Variants in TEX15 observed in about 807,000 individuals in gnomAD.
TEX15 encodes the protein testis expressed 15, meiosis and synapsis associated, also known as testis-expressed protein 15.
A neutral mutation model predicts 237.3 loss-of-function variants in TEX15; 171 were observed. The ratio of observed to expected loss-of-function variants is 0.72; its 90% confidence interval spans 0.64 to 0.82. TEX15 has a LOEUF of 0.82. TEX15 is among the 40% of genes least tolerant of loss of function. The pLI, the probability that TEX15 is intolerant of heterozygous loss-of-function variation, is 0.00. For synonymous variants in TEX15, 1,338 were observed against 1,269.8 expected, an observed-to-expected ratio of 1.05 and a Z score of -1.14; for missense variants, 3,750 against 3,646.5, an observed-to-expected ratio of 1.03 and a Z score of -0.73.
At position 30,843,085 on chromosome 8, in the gene TEX15, C is replaced by G; in HGVS notation, c.7082G>C (p.Ser2361Thr). ...AATATCTGGGTGTGCAAGCAAATTACTGTTAAATTTAGAATTTTCTATGCT... is the reference window on the plus strand; with the variant it reads ...AATATCTGGGTGTGCAAGCAAATTAGTGTTAAATTTAGAATTTTCTATGCT... ...TISIENSKFN[S>T]NLLAHPDICC... is the part of the protein sequence containing the mutation. Residue 2361 changes from serine (S) to threonine (T), a missense_variant, in exon 8 of 11, where the codon AGT (serine) becomes ACT (threonine). Transcript: ENST00000643185. The G allele has an allele frequency of 6.2e-7, 1 of 1,613,172 alleles. No individual in the cohort carries two copies.
At chr8:30,852,063 G>A (rs533072627) in intron 7 of TEX15, among the ~76,000 whole-genome samples, 65 of 150,608 alleles carry the variant, frequency 4.3e-4, no homozygotes, top group Middle Eastern at 6.9e-3. Context: ...ATGGATGCCA[G>A]GTCCTGTTTT....
intron 1 of TEX15, among the ~76,000 whole-genome samples, chr8:30,905,473 T>C (rs1809082627): frequency 6.6e-6 from 1 of 152,078 alleles, no homozygotes; most frequent in Non-Finnish European, 1.5e-5. Context: ...GACTGCAAAT[T>C]TGTACCAAGC....
chr8:30,911,400 C>T lies in TEX15; in HGVS notation c.-86+1479G>A, dbSNP rs1050549134. Among the ~76,000 whole-genome samples the T allele has an allele frequency of 2.0e-4, 30 of 152,220 alleles. 1 individual carries two copies. The highest frequency in any genetic ancestry group is 8.5e-4 in the Admixed American group (13 of 15,282). On this transcript the variant is annotated intron_variant, in intron 1 of 10. Coordinates refer to ENST00000643185, the MANE Select transcript of TEX15 (RefSeq NM_001350162.2). ...CTCCTGGGCTCATGCGATCCGCCCG[C>T]CTTGGCCTCCCAAAATGCTAGGACT...
rs1277231091 is a variant in TEX15, at chr8:30,846,249, T to C, written c.3918A>G (p.Ile1306Met). ...GTGGTATGTTCTGATCCCTGGAAGA[T>C]ATATGTAGCTTCCTTTTGCTAATTC... is the stretch of plus-strand genomic sequence containing the variant. ...ESRISKRKLH[I>M]SSRDQNIPHK... The change falls in exon 8 of 11, where the codon ATA becomes ATG. Residue 1306 changes from isoleucine (I) to methionine (M), a missense_variant. Coordinates refer to ENST00000643185, the MANE Select transcript of TEX15 (RefSeq NM_001350162.2). 3.7e-6 allele frequency: 6 copies of C among 1,613,442 alleles called. No individual in the cohort carries two copies. Among genetic ancestry groups the C allele is most frequent in the Non-Finnish European group, 5.1e-6 (6 of 1,179,698 alleles).
chr8:30,898,433 T>C (rs950377204), intron 2 of TEX15, among the ~76,000 whole-genome samples: 1 of 152,174 alleles, frequency 6.6e-6, no homozygotes, highest in Non-Finnish European at 1.5e-5. Context: ...TCCCAGACAC[T>C]GAATCTGCCA....
In TEX15 at chr8:30,875,066, T is replaced by C. The variant is rs1179243742; in HGVS notation, c.173A>G (p.Tyr58Cys). The C allele has an allele frequency of 2.4e-6, 3 of 1,275,976 alleles. No homozygotes were observed. The highest frequency in any genetic ancestry group is 3.0e-5 in the East Asian group (1 of 33,778). 79.0% of individuals were successfully genotyped at this position (1,275,976 alleles called of 1,614,324 possible). A position where few individuals can be genotyped will look rare whatever the true frequency, so the allele number is the denominator to read the frequency against. The change falls in exon 4 of 11, where the codon TAT becomes TGT. Residue 58 changes from tyrosine (Y) to cysteine (C), a missense_variant. Physicochemically the swap from Tyr to Cys is radical, Grantham distance 194 (BLOSUM62 -2). Transcript: ENST00000643185. ...GTTAAGAGTATCATGTATAAAACTA[T>C]ACTCTCTACTATTGGTGTAACAAGG... ...LSPCYTNSRE[Y>C]SFIHDTLNQC...
At chr8:30,852,250 C>T (rs566220970) in intron 7 of TEX15, among the ~76,000 whole-genome samples, 37 of 151,674 alleles carry the variant, frequency 2.4e-4, no homozygotes, top group East Asian at 1.2e-3. Flanking sequence ...GGACTACAGG[C>T]GTCCGCCACC....
At chr8:30,868,632 C>A (rs1268718395) in intron 4 of TEX15, among the ~76,000 whole-genome samples, 2 of 151,984 alleles carry the variant, frequency 1.3e-5, no homozygotes, top group African/African-American at 4.8e-5. Flanking sequence ...ATAATGATCA[C>A]TTCTATTTCC....
chr8:30,879,933 T>C (rs1808483124), intron 3 of TEX15, among the ~76,000 whole-genome samples: 1 of 140,072 alleles, frequency 7.1e-6, no homozygotes, highest in Non-Finnish European at 1.5e-5. Flanking sequence ...TTTCCTTTTT[T>C]TTTTTAAAAA....
chr8:30,859,764 A>C, intron 6 of TEX15, 147 bp downstream of exon 6: 1 of 618,364 alleles, frequency 1.6e-6, no homozygotes, highest in East Asian at 3.5e-5. Flanking sequence ...TCCATACAAC[A>C]AATATTAAAA....
In TEX15 at chr8:30,837,502, TA is replaced by T; in HGVS notation, c.8781del (p.Ile2928LeufsTer7). 1 of 1,613,190 alleles carries T rather than the reference TA, an allele frequency of 6.2e-7. No individual in the cohort carries two copies. Among genetic ancestry groups the T allele is most frequent in the Non-Finnish European group, 8.5e-7 (1 of 1,179,214 alleles). On this transcript the variant is annotated frameshift_variant, in exon 10 of 11. Transcript: ENST00000643185. LOFTEE classifies it high-confidence loss of function. ...GAAGTCATGCATGAGGAATTTTTAA[TA>T]GATGAATTTACTATATCATTATCTT... The part of the protein sequence containing the change: ...ELQDNDIVNS[S>X]IKNSSCMTSP...
At position 30,889,934 on chromosome 8, in the gene TEX15, CAT is replaced by C. The variant is rs374692942; in HGVS notation, c.-9-2625_-9-2624del. On this transcript the variant is annotated intron_variant, in intron 2 of 10. Transcript: ENST00000643185. ...TATATATTTATGTATTAGTTATATA[CAT>C]ATATATATATATATATACATATATA... is the stretch of plus-strand genomic sequence containing the variant. Among the ~76,000 whole-genome samples the C allele has an allele frequency of 5.6e-3, 692 of 123,224 alleles. 11 individuals carry two copies. Among genetic ancestry groups the C allele is most frequent in the Middle Eastern group, 0.016 (4 of 248 alleles). The allele number at this position is 123,224 out of a possible 152,430, so 80.8% of individuals were successfully genotyped here. A position where few individuals can be genotyped will look rare whatever the true frequency, so the allele number is the denominator to read the frequency against.
intron 1 of TEX15, among the ~76,000 whole-genome samples, chr8:30,912,334 T>TCCTGGAGGC (rs1554505271): frequency 2.0e-5 from 3 of 150,756 alleles, no homozygotes; most frequent in Non-Finnish European, 1.5e-5. Context: ...GCGGCGGGGC[T>TCCTGGAGGC]CCCGCCCCCT....
chr8:30,887,923 T>C (rs1320936075), intron 2 of TEX15: 1 of 136,120 alleles, frequency 7.3e-6, no homozygotes, highest in Non-Finnish European at 1.6e-5. Flanking sequence ...TATATATATA[T>C]ATATATGAAT....
At chr8:30,898,845 ATGTAGAGAAT>A (rs1044588123) in intron 1 of TEX15, 28 bp from the exon 2 acceptor site, 4 of 152,192 alleles carry the variant, frequency 2.6e-5, no homozygotes, top group African/African-American at 9.7e-5. Flanking sequence ...AAACAGAAAC[ATGTAGAGAAT>A]TATGATCAGA....
chr8:30,883,594 G>A (rs1440778546), intron 3 of TEX15, among the ~76,000 whole-genome samples: 3 of 152,134 alleles, frequency 2.0e-5, no homozygotes, highest in Admixed American at 6.6e-5. Flanking sequence ...GTATAAGTGA[G>A]AACATGTGGT....
intron 7 of TEX15, among the ~76,000 whole-genome samples, chr8:30,854,258 CCAA>C: frequency 7.6e-6 from 1 of 132,170 alleles, no homozygotes; most frequent in African/African-American, 2.8e-5. Context: ...ACCTGACTGA[CCAA>C]AAAAAAAAAA....
intron 5 of TEX15, among the ~76,000 whole-genome samples, chr8:30,860,390 G>T (rs1256151108): frequency 1.3e-5 from 2 of 151,814 alleles, no homozygotes; most frequent in African/African-American, 4.8e-5. Flanking sequence ...GGGATTATAG[G>T]CATGAGCCAC....
At position 30,848,185 on chromosome 8, in the gene TEX15, A is replaced by G. The variant is rs765742041; in HGVS notation, c.1982T>C (p.Val661Ala). 8.7e-6 allele frequency: 14 copies of G among 1,611,670 alleles called. No homozygotes were observed. The highest frequency in any genetic ancestry group is 1.7e-5 in the Admixed American group (1 of 59,720). Residue 661 changes from valine (V) to alanine (A), a missense_variant, in exon 8 of 11, where the codon GTT (valine) becomes GCT (alanine). By Grantham distance (64) the Val-to-Ala change is moderately conservative. Coordinates refer to ENST00000643185, the MANE Select transcript of TEX15 (RefSeq NM_001350162.2). Reference sequence around the variant, plus strand: ...ACTCTCTTTGTATTCTTGGTGCAAAACAATGTAATTATCTATTGGACTGAT... The same window carrying G: ...ACTCTCTTTGTATTCTTGGTGCAAAGCAATGTAATTATCTATTGGACTGAT... The part of the protein sequence containing the change: ...TKISPIDNYI[V>A]LHQEYKESES...
Sources: gnomAD v4.1 joint callset for allele counts (sites outside exome capture counted in the v4.1 genomes callset) on GRCh38, gnomAD v4.1.1 for gene constraint, MANE v1.5 for transcripts, NCBI Gene and HGNC (gene_info 2026-07-23, HGNC 2026-07-21) for gene names.